CADM2: variants seen among roughly 807,000 people sequenced by gnomAD.
The protein encoded by CADM2 is cell adhesion molecule 2, also known as immunoglobulin superfamily member 4D.
CADM2 carries 12 observed loss-of-function variants against 49.8 expected under a neutral mutation model. The ratio of observed to expected loss-of-function variants is 0.24; its 90% CI spans 0.15 to 0.39. The LOEUF is 0.39. CADM2 is among the 10% of genes least tolerant of loss of function. The probability of loss-of-function intolerance (pLI) is 1.00; values close to 1 mark genes in which losing one functional copy is unlikely to be tolerated. For synonymous variants in CADM2, 214 were observed against 175.4 expected (o/e 1.22, Z -1.74); for missense variants, 378 against 492.3 (o/e 0.77, Z 2.20).
At chr3:85,093,556 T>G (rs564811238) in intron 1 of CADM2, among the ~76,000 whole-genome samples, 2 of 152,132 alleles carry the variant, frequency 1.3e-5, no homozygotes, top group African/African-American at 4.8e-5. Flanking sequence ...TTTATGATGA[T>G]TTCATTATAA....
chr3:85,352,172 T>A (rs1164367432), intron 1 of CADM2, among the ~76,000 whole-genome samples: 1 of 152,120 alleles, frequency 6.6e-6, no homozygotes, highest in Admixed American at 6.6e-5. Flanking sequence ...ATTAAAGCAC[T>A]ATAGTTCATC....
At chr3:85,413,406 A>C (rs978328818) in intron 1 of CADM2, among the ~76,000 whole-genome samples, 1 of 152,078 alleles carries the variant, frequency 6.6e-6, no homozygotes, top group African/African-American at 2.4e-5. Context: ...TTTGATGCAT[A>C]CATGTTGATA....
chr3:85,400,904 C>T (rs866782817), intron 1 of CADM2, among the ~76,000 whole-genome samples: 1 of 152,102 alleles, frequency 6.6e-6, no homozygotes, highest in Non-Finnish European at 1.5e-5. Context: ...CTCAACTCCT[C>T]CTTTAGTTGT....
chr3:86,000,746 G>A (rs919356938), intron 8 of CADM2, among the ~76,000 whole-genome samples: 6 of 151,966 alleles, frequency 3.9e-5, no homozygotes, highest in African/African-American at 1.2e-4. Flanking sequence ...GTAGAATGCC[G>A]ATTGTCACAA....
chr3:86,057,180 T>G (rs970552289), intron 8 of CADM2, among the ~76,000 whole-genome samples: 24 of 152,308 alleles, frequency 1.6e-4, no homozygotes, highest in African/African-American at 5.8e-4. Flanking sequence ...AGTGACGCAT[T>G]TCTCTCCAGG....
At chr3:85,105,452 G>T (rs1008869219) in intron 1 of CADM2, among the ~76,000 whole-genome samples, 1 of 152,150 alleles carries the variant, frequency 6.6e-6, no homozygotes, top group Non-Finnish European at 1.5e-5. Context: ...AACAACAGGT[G>T]CTGGAGAGGA....
At chr3:85,994,233 T>C (rs11923789) in intron 8 of CADM2, 21,821 of 152,210 alleles carry the variant, frequency 0.14, 4,642 homozygotes, top group African/African-American at 0.47. Context: ...TGCACTTCTA[T>C]GTTCTGAAGA....
At chr3:85,732,942 C>T (rs1462358473) in intron 2 of CADM2, among the ~76,000 whole-genome samples, 1 of 152,178 alleles carries the variant, frequency 6.6e-6, no homozygotes, top group African/African-American at 2.4e-5. Context: ...TTACCTGAAT[C>T]TCATTCATTT....
chr3:85,518,019 G>T (rs539345980), intron 1 of CADM2, among the ~76,000 whole-genome samples: 109 of 151,886 alleles, frequency 7.2e-4, no homozygotes, highest in Admixed American at 1.4e-3. Flanking sequence ...TTCTTTTTTT[G>T]TGTGTGTGAC....
chr3:85,369,727 T>A (rs1216834460), intron 1 of CADM2, among the ~76,000 whole-genome samples: 1 of 152,104 alleles, frequency 6.6e-6, no homozygotes, highest in Admixed American at 6.6e-5. Context: ...TCTATGGAGG[T>A]ATTAAATAGT....
intron 8 of CADM2, chr3:86,014,080 G>A: frequency 7.7e-7 from 1 of 1,296,488 alleles, no homozygotes; most frequent in Non-Finnish European, 1.1e-6. Context: ...GGTTAAGAAA[G>A]GGGTAAAGAA....
At chr3:85,611,857 T>C (rs1453950093) in intron 1 of CADM2, among the ~76,000 whole-genome samples, 1 of 151,768 alleles carries the variant, frequency 6.6e-6, no homozygotes, top group Admixed American at 6.6e-5. Context: ...GCTTCATTTC[T>C]AAAGGGCCAA....
intron 3 of CADM2, among the ~76,000 whole-genome samples, chr3:85,832,575 A>G (rs11915638): frequency 0.21 from 31,113 of 151,516 alleles, 3,340 homozygotes; most frequent in Admixed American, 0.23. Context: ...GGTATCATGC[A>G]TGGGATCATG....
intron 8 of CADM2, among the ~76,000 whole-genome samples, chr3:86,005,064 C>T (rs1160919644): frequency 1.3e-5 from 2 of 152,086 alleles, no homozygotes; most frequent in Non-Finnish European, 2.9e-5. Flanking sequence ...ATTGTTACTG[C>T]TTTTCCCAGC....
chr3:85,492,586 T>TAA (rs906522487), intron 1 of CADM2, among the ~76,000 whole-genome samples: 22 of 151,216 alleles, frequency 1.5e-4, no homozygotes, highest in Non-Finnish European at 1.5e-5. Context: ...GGACTCCATT[T>TAA]AAAAAAAAAT....
intron 3 of CADM2, among the ~76,000 whole-genome samples, chr3:85,818,575 C>T (rs2073362162): frequency 6.6e-6 from 1 of 152,126 alleles, no homozygotes; most frequent in Non-Finnish European, 1.5e-5. Flanking sequence ...TTTGTAACTT[C>T]TTTATCAACT....
At chr3:85,709,279 C>CA in intron 1 of CADM2, among the ~76,000 whole-genome samples, 1 of 152,184 alleles carries the variant, frequency 6.6e-6, no homozygotes, top group South Asian at 2.1e-4. Flanking sequence ...AAAATTTAAA[C>CA]AAAAATTTGT....
intron 8 of CADM2, among the ~76,000 whole-genome samples, chr3:86,042,717 T>C (rs1736112383): frequency 6.6e-6 from 1 of 152,180 alleles, no homozygotes; most frequent in Non-Finnish European, 1.5e-5. Context: ...GAATCCTCCC[T>C]AACTCATTTT....
intron 1 of CADM2, among the ~76,000 whole-genome samples, chr3:85,345,313 C>CAAAAAAAAAAA (rs3085180): frequency 3.2e-4 from 15 of 47,170 alleles, no homozygotes; most frequent in East Asian, 8.6e-4. Context: ...GTCTCCATCT[C>CAAAAAAAAAAA]AAAAAAAAAA....
Sources: gnomAD v4.1 joint callset for allele counts (sites outside exome capture counted in the v4.1 genomes callset) on GRCh38, gnomAD v4.1.1 for gene constraint, MANE v1.5 for transcripts, NCBI Gene and HGNC (gene_info 2026-07-23, HGNC 2026-07-21) for gene names.